Variants in CDC20B observed in about 807,000 individuals in gnomAD.
CDC20B encodes the protein cell division cycle 20B.
In CDC20B, 58 loss-of-function variants were observed where a neutral mutation model predicts 64.1. The observed-to-expected ratio is 0.90, with a 90% CI of 0.73 to 1.13. The LOEUF is 1.13. CDC20B is among the 50% of genes most tolerant of loss of function. The pLI is 0.00. For synonymous variants in CDC20B, 243 were observed against 230.6 expected (o/e 1.05, Z -0.49); for missense variants, 597 against 633.0 (o/e 0.94, Z 0.61).
intron 9 of CDC20B, among the ~76,000 whole-genome samples, chr5:55,121,469 T>C (rs1469800786): frequency 6.6e-6 from 1 of 152,188 alleles, no homozygotes; most frequent in Non-Finnish European, 1.5e-5. Context: ...TGTATTGTGG[T>C]TTGATTTGTA....
intron 2 of CDC20B, chr5:55,170,436 G>T (rs1023179349): frequency 6.4e-6 from 3 of 465,148 alleles, no homozygotes; most frequent in Non-Finnish European, 1.4e-5. Flanking sequence ...TAAGCTAATG[G>T]CAATAATATA....
chr5:55,143,451 T>C (rs1031698866), intron 4 of CDC20B, 62 bp downstream of exon 4: 65 of 1,486,592 alleles, frequency 4.4e-5, no homozygotes, highest in Non-Finnish European at 5.8e-5. Context: ...CCCTTACATT[T>C]GCAACTAAGT....
In CDC20B at chr5:55,120,547, T is replaced by C. The variant is rs749189261; in HGVS notation, c.1219A>G (p.Met407Val). The change falls in exon 10 of 12, where the codon ATG (methionine) becomes GTG (valine). Residue 407 changes from methionine to valine, a missense_variant. Met to Val is a conservative substitution (Grantham distance 21). Around this residue, in one of 3 missense-constraint regions of CDC20B, gnomAD observed 353 missense variants for 397.0 expected, o/e 0.89. Transcript: ENST00000381375. ...VITQSTAVKA[M>V]DWCPWQSGVL... is the part of the protein sequence containing the mutation. ...CCAGACTGCCAGGGACACCAATCCA[T>C]GGCCTTTAAAGTTTCACATAATAGC... 3.1e-6 allele frequency: 5 copies of C among 1,613,340 alleles called. No homozygotes were observed. Among genetic ancestry groups the C allele is most frequent in the Middle Eastern group, 1.7e-4 (1 of 6,052 alleles).
intron 2 of CDC20B, 130 bp from the exon 3 acceptor site, chr5:55,146,986 A>T: frequency 2.4e-6 from 1 of 414,806 alleles, no homozygotes; most frequent in Non-Finnish European, 4.1e-6. Flanking sequence ...AGATTTTTTT[A>T]ATTTTTGTAA....
At chr5:55,161,169 G>GA (rs769962190) in intron 2 of CDC20B, 1 of 1,614,154 alleles carries the variant, frequency 6.2e-7, no homozygotes, top group Non-Finnish European at 8.5e-7. Context: ...TCTTTTGCAA[G>GA]AAAAAACTAC....
At chr5:55,133,904 G>GGT (rs1274352024) in intron 5 of CDC20B, among the ~76,000 whole-genome samples, 3 of 151,890 alleles carry the variant, frequency 2.0e-5, no homozygotes, top group Non-Finnish European at 2.9e-5. Context: ...AGACTTACCT[G>GGT]GTACACCTAT....
At chr5:55,160,848 T>C in intron 2 of CDC20B, 2 of 827,194 alleles carry the variant, frequency 2.4e-6, no homozygotes, top group Non-Finnish European at 3.6e-6. Flanking sequence ...CAGTTTTCAA[T>C]AGAACTGTGT....
chr5:55,142,031 C>G (rs985404276), intron 4 of CDC20B, among the ~76,000 whole-genome samples: 2 of 152,182 alleles, frequency 1.3e-5, no homozygotes, highest in Non-Finnish European at 2.9e-5. Flanking sequence ...TCTTCACAGA[C>G]TCACTTCTTT....
chr5:55,131,187 A>G (rs1743019711), intron 6 of CDC20B, among the ~76,000 whole-genome samples: 1 of 152,084 alleles, frequency 6.6e-6, no homozygotes, highest in Non-Finnish European at 1.5e-5. Flanking sequence ...AACTACAATA[A>G]CCTAAAAAGT....
intron 2 of CDC20B, chr5:55,170,574 T>C (rs756213919): frequency 1.9e-5 from 10 of 534,678 alleles, no homozygotes; most frequent in Non-Finnish European, 3.8e-6. Flanking sequence ...GCCGATGCCA[T>C]TCACATATTC....
chr5:55,148,120 A>G (rs767836865), intron 2 of CDC20B, among the ~76,000 whole-genome samples: 3 of 152,236 alleles, frequency 2.0e-5, no homozygotes, highest in East Asian at 1.9e-4. Context: ...TACCAACTCA[A>G]CAGAAAAACT....
chr5:55,119,786 C>T lies in CDC20B; in HGVS notation c.1459+15G>A. The T allele has an allele frequency of 2.0e-6, 3 of 1,502,404 alleles. No homozygotes were observed. The highest frequency in any genetic ancestry group is 1.4e-5 in the African/African-American group (1 of 72,752). 93.1% of individuals were successfully genotyped at this position (1,502,404 alleles called of 1,614,324 possible). ...TGCTATAGGTGCATGGCATTTTACT[C>T]ACCCATTTGCTTACCAAAAAACCCA... On this transcript the variant is annotated intron_variant, in intron 11 of 11. Transcript: ENST00000381375.
At chr5:55,147,365 ATAAG>A (rs1221281973) in intron 2 of CDC20B, among the ~76,000 whole-genome samples, 1 of 142,732 alleles carries the variant, frequency 7.0e-6, no homozygotes, top group Non-Finnish European at 1.5e-5. Flanking sequence ...TTATATAAAC[ATAAG>A]TATGTTATGT....
chr5:55,132,978 C>T (rs982475468), intron 6 of CDC20B, among the ~76,000 whole-genome samples: 1 of 152,158 alleles, frequency 6.6e-6, no homozygotes, highest in Non-Finnish European at 1.5e-5. Context: ...GTCTTTATAG[C>T]TCCTTATATC....
At chr5:55,139,652 A>G (rs943812286) in intron 5 of CDC20B, among the ~76,000 whole-genome samples, 3 of 152,240 alleles carry the variant, frequency 2.0e-5, no homozygotes, top group African/African-American at 7.2e-5. Context: ...GTGTAGTAAT[A>G]TGATGTAAAC....
chr5:55,160,900 TC>T (rs140700063), intron 2 of CDC20B: 13 of 1,277,902 alleles, frequency 1.0e-5, no homozygotes, highest in South Asian at 3.1e-5. Flanking sequence ...GAGGTTATAG[TC>T]CCCCCCAAAT....
chr5:55,155,626 G>A (rs933366815), intron 2 of CDC20B, among the ~76,000 whole-genome samples: 3 of 152,056 alleles, frequency 2.0e-5, no homozygotes, highest in South Asian at 2.1e-4. Flanking sequence ...AACTTTCAAC[G>A]CCCTCCCATC....
At chr5:55,161,126 G>A (rs1744031463) in intron 2 of CDC20B, 2 of 1,614,062 alleles carry the variant, frequency 1.2e-6, no homozygotes, top group African/African-American at 2.7e-5. Context: ...TCAGTTTGGA[G>A]AATCGGAGCC....
intron 11 of CDC20B, among the ~76,000 whole-genome samples, chr5:55,118,411 G>A (rs972351781): frequency 3.3e-5 from 5 of 152,092 alleles, no homozygotes; most frequent in African/African-American, 4.8e-5. Context: ...GAAAAAACTC[G>A]CAAGGAGTTA....
Sources: allele counts gnomAD v4.1 joint callset (sites outside exome capture counted in the v4.1 genomes callset), GRCh38; gene constraint gnomAD v4.1.1; regional missense constraint gnomAD v4.1.1; transcripts MANE v1.5; gene names NCBI Gene and HGNC (gene_info 2026-07-23, HGNC 2026-07-21).